The following SDK2 variants were observed in gnomAD, a reference collection of about 807,000 sequenced individuals.
The protein encoded by SDK2 is protein sidekick-2.
In SDK2, 105 loss-of-function variants were observed where a neutral mutation model predicts 253.9. The ratio of observed to expected loss-of-function variants is 0.41; its 90% CI spans 0.35 to 0.49. The LOEUF is 0.49. Among genes scored for constraint, SDK2 ranks in the 20% least tolerant of loss-of-function variants. The pLI, the probability that SDK2 is intolerant of heterozygous loss-of-function variation, is 0.06. For missense variants in SDK2, 2,608 were observed against 3,003.0 expected (o/e 0.87, Z 3.07); for synonymous variants, 1,249 against 1,234.9 (o/e 1.01, Z -0.24).
At chr17:73,571,493 G>A (rs888279975) in intron 1 of SDK2, among the ~76,000 whole-genome samples, 9 of 152,208 alleles carry the variant, frequency 5.9e-5, no homozygotes, top group East Asian at 3.9e-4. Context: ...TGAGCCCATC[G>A]ATCTGGGTCC....
At chr17:73,414,008 G>A (rs1021074238) in intron 18 of SDK2, among the ~76,000 whole-genome samples, 18 of 151,972 alleles carry the variant, frequency 1.2e-4, no homozygotes, top group African/African-American at 4.1e-4. Context: ...ATGGGGCCAT[G>A]GCTATACCAG....
rs374916786 is a variant in SDK2 at position 73,447,778 on chromosome 17, G to A, written c.480-30C>T. On this transcript the variant is annotated intron_variant, in intron 4 of 44. Transcript: ENST00000392650. The surrounding 1 kb of genome is among the most constrained non-coding windows in gnomAD (Gnocchi z 4.0). ...GAAGAGGAAAAGGATTCCTCTGACA[G>A]GGGCCTAAGGGGCTCTGAACCTCCA... 3.9e-6 allele frequency: 6 copies of A among 1,551,220 alleles called. No homozygotes were observed. Among genetic ancestry groups the A allele is most frequent in the Non-Finnish European group, 5.2e-6 (6 of 1,146,792 alleles).
chr17:73,583,195 A>G (rs544774162), intron 1 of SDK2, among the ~76,000 whole-genome samples: 2 of 152,326 alleles, frequency 1.3e-5, no homozygotes, highest in African/African-American at 4.8e-5. Flanking sequence ...AAAGTTTTTA[A>G]TCGAATGTCT....
At chr17:73,412,054 GTATATGTATATATACGTA>G (rs2063137722) in intron 18 of SDK2, among the ~76,000 whole-genome samples, 2 of 4,728 alleles carry the variant, frequency 4.2e-4, no homozygotes, top group Non-Finnish European at 3.0e-3. Context: ...ATGTATATAC[GTATATGTATATATACGTA>G]TATATGTATA....
Position 73,386,017 on chromosome 17 carries a change from G to A in SDK2, c.4499-100C>T. 6 of 841,430 alleles carry A rather than the reference G, an allele frequency of 7.1e-6. 1 individual carries two copies. The South Asian group carries it at 1.1e-4, about 15-fold the overall frequency. 52.1% of individuals were successfully genotyped at this position (841,430 alleles called of 1,614,324 possible). On this transcript the variant is annotated intron_variant, in intron 31 of 44. Coordinates refer to ENST00000392650, the MANE Select transcript of SDK2 (RefSeq NM_001144952.2). ...TCTGCTAATACTGGACTGCGGGGCA[G>A]GTCCAGATCGCATCGCCCTCCATGC...
chr17:73,598,146 A>G (rs1438680365), intron 1 of SDK2, among the ~76,000 whole-genome samples: 1 of 151,986 alleles, frequency 6.6e-6, no homozygotes, highest in African/African-American at 2.4e-5. Flanking sequence ...CCGTGCCCCA[A>G]CCCCAGTTAA....
rs1216831853 is a variant in SDK2 at position 73,419,726 on chromosome 17, AACCC to A, written c.2046-424_2046-421del. Among the ~76,000 whole-genome samples, 38 of 65,012 alleles carry A rather than the reference AACCC, an allele frequency of 5.8e-4. 10 individuals carry two copies. Among genetic ancestry groups the A allele is most frequent in the African/African-American group, 9.3e-4 (14 of 15,002 alleles). 42.7% of individuals were successfully genotyped at this position (65,012 alleles called of 152,430 possible). On this transcript the variant is annotated intron_variant, in intron 15 of 44. Coordinates refer to ENST00000392650, the MANE Select transcript of SDK2 (RefSeq NM_001144952.2). ...CTCTACCAAAAAAAACAACAAAAAA[AACCC>A]AAAAAAACTCCCTCCTGGTGACTTG...
intron 36 of SDK2, chr17:73,369,308 G>T (rs899547638): frequency 1.2e-5 from 4 of 337,446 alleles, no homozygotes; most frequent in Non-Finnish European, 2.6e-5. Flanking sequence ...TGTCACCTGG[G>T]AGCTGGTGAG....
At chr17:73,388,062 G>A in intron 29 of SDK2, 25 bp from the exon 30 acceptor site, 1 of 1,537,064 alleles carries the variant, frequency 6.5e-7, no homozygotes. Flanking sequence ...AGGGGGAGGA[G>A]CAGGTGAGTG....
At position 73,352,755 on chromosome 17, in the gene SDK2, C is replaced by T; in HGVS notation, c.5594-118G>A. 2 of 1,019,814 alleles carry T rather than the reference C, an allele frequency of 2.0e-6. No homozygotes were observed. The highest frequency in any genetic ancestry group is 2.9e-6 in the Non-Finnish European group (2 of 693,186). 63.2% of individuals were successfully genotyped at this position (1,019,814 alleles called of 1,614,324 possible). A position where few individuals can be genotyped will look rare whatever the true frequency, so the allele number is the denominator to read the frequency against. ...GGCCTGTTGGATCCTCCCTGCTCCA[C>T]ACTGAATCGCAGGCCTTGGTCCTCC... On this transcript the variant is annotated intron_variant, in intron 40 of 44. Transcript: ENST00000392650. The surrounding 1 kb of genome is among the most constrained non-coding windows in gnomAD (Gnocchi z 4.1).
At chr17:73,588,213 C>T (rs534885776) in intron 1 of SDK2, among the ~76,000 whole-genome samples, 2,184 of 150,450 alleles carry the variant, frequency 0.015, 29 homozygotes, top group Non-Finnish European at 0.024. Context: ...CCCCCTCCCC[C>T]GCCATCTCTA....
chr17:73,342,622 G>A (rs1289115848), intron 44 of SDK2, among the ~76,000 whole-genome samples: 1 of 152,182 alleles, frequency 6.6e-6, no homozygotes, highest in Non-Finnish European at 1.5e-5. Flanking sequence ...CAGCTCCAGG[G>A]GTTCTAGAAT....
intron 8 of SDK2, among the ~76,000 whole-genome samples, chr17:73,437,364 A>G (rs2063378297): frequency 6.6e-6 from 1 of 152,096 alleles, no homozygotes; most frequent in African/African-American, 2.4e-5. Context: ...GGCCCAGGAA[A>G]CAGGCTGAGC....
chr17:73,605,366 C>T (rs1028610847), intron 1 of SDK2, among the ~76,000 whole-genome samples: 7 of 152,022 alleles, frequency 4.6e-5, no homozygotes, highest in South Asian at 2.1e-4. Flanking sequence ...GGTGGAGGTC[C>T]GGCCTTGACC....
chr17:73,432,680 A>T (rs1230633402), intron 10 of SDK2, among the ~76,000 whole-genome samples: 4 of 90,920 alleles, frequency 4.4e-5, no homozygotes, highest in East Asian at 3.1e-4. Flanking sequence ...GCTGGAGGGG[A>T]GGGCTGGGGG....
intron 1 of SDK2, among the ~76,000 whole-genome samples, chr17:73,565,105 A>T (rs2045293848): frequency 6.6e-6 from 1 of 152,230 alleles, no homozygotes; most frequent in African/African-American, 2.4e-5. Context: ...GGCTAAATCC[A>T]GATAGAAAAT....
intron 1 of SDK2, among the ~76,000 whole-genome samples, chr17:73,545,095 G>GCACACACACACACACACACACA (rs2044936598): frequency 1.3e-5 from 1 of 75,312 alleles, no homozygotes; most frequent in African/African-American, 8.9e-5. Flanking sequence ...GCGTGCACGT[G>GCACACACACACACACACACACA]CACGCACACA....
intron 1 of SDK2, among the ~76,000 whole-genome samples, chr17:73,593,742 C>T (rs1567861869): frequency 6.6e-6 from 1 of 152,164 alleles, no homozygotes; most frequent in Admixed American, 6.5e-5. Context: ...CAGGAGACAC[C>T]AGCTGAAAGT....
intron 1 of SDK2, among the ~76,000 whole-genome samples, chr17:73,604,458 A>G (rs1003554299): frequency 2.0e-5 from 3 of 152,160 alleles, no homozygotes; most frequent in East Asian, 1.9e-4. Context: ...GCAACCACAC[A>G]TGACACTTTA....
Sources: allele counts gnomAD v4.1 joint callset (sites outside exome capture counted in the v4.1 genomes callset), GRCh38; gene constraint gnomAD v4.1.1; non-coding constraint Gnocchi (gnomAD v3.1); transcripts MANE v1.5; gene names NCBI Gene and HGNC (gene_info 2026-07-23, HGNC 2026-07-21).